The following PAIP2B variants were observed in gnomAD, a reference collection of about 807,000 sequenced individuals.
PAIP2B encodes the protein polyadenylate-binding protein-interacting protein 2B.
Under a neutral mutation model 17.0 loss-of-function variants are expected in PAIP2B, and 13 were observed. The ratio of observed to expected loss-of-function variants is 0.76; its 90% CI spans 0.50 to 1.22. PAIP2B has a LOEUF of 1.22. Ranked by LOEUF, PAIP2B falls within the 50% of genes most tolerant of loss-of-function variation. PAIP2B has a pLI of 0.00. For synonymous variants in PAIP2B, 43 were observed against 48.7 expected, an observed-to-expected ratio of 0.88 and a Z score of 0.48; for missense variants, 117 against 144.5, an observed-to-expected ratio of 0.81 and a Z score of 0.98.
intron 2 of PAIP2B, 147 bp from the exon 3 acceptor site, chr2:71,190,168 C>A: frequency 1.2e-6 from 1 of 849,122 alleles, no homozygotes; most frequent in Admixed American, 3.0e-5. Flanking sequence ...AACTGTAATC[C>A]CAGCAGTTTG....
chr2:71,189,763 G>T, intron 3 of PAIP2B, 82 bp downstream of exon 3: 2 of 1,345,788 alleles, frequency 1.5e-6, no homozygotes, highest in Non-Finnish European at 2.0e-6. Context: ...GTTGAGGGTT[G>T]TAGGGCTGGA....
chr2:71,205,016 C>A (rs1675090715), intron 1 of PAIP2B, among the ~76,000 whole-genome samples: 1 of 150,504 alleles, frequency 6.6e-6, no homozygotes, highest in South Asian at 2.1e-4. Context: ...CCTGAGTGTA[C>A]ATGATTGTAA....
At chr2:71,199,885 T>C (rs1392605281) in intron 2 of PAIP2B, among the ~76,000 whole-genome samples, 2 of 152,126 alleles carry the variant, frequency 1.3e-5, no homozygotes, top group African/African-American at 4.8e-5. Context: ...TGTGTGTGGG[T>C]GTTGGAGGAT....
chr2:71,210,526 T>C (rs957175424), intron 1 of PAIP2B, among the ~76,000 whole-genome samples: 1 of 152,216 alleles, frequency 6.6e-6, no homozygotes, highest in Non-Finnish European at 1.5e-5. Context: ...CTTGCAAATA[T>C]AACGTCAGTG....
chr2:71,191,271 G>C (rs989086246), intron 2 of PAIP2B, among the ~76,000 whole-genome samples: 2 of 152,296 alleles, frequency 1.3e-5, no homozygotes, highest in Non-Finnish European at 2.9e-5. Context: ...CTTAAGAATA[G>C]TATTTGAACA....
chr2:71,224,367 G>A (rs1390842359), intron 1 of PAIP2B, among the ~76,000 whole-genome samples: 1 of 152,176 alleles, frequency 6.6e-6, no homozygotes, highest in Non-Finnish European at 1.5e-5. Flanking sequence ...CTGGGAACAA[G>A]GGTTGAATAT....
Position 71,186,719 on chromosome 2 carries a change from G to T in PAIP2B, c.*1760C>A, listed in dbSNP as rs2103740115. ...AGTCCTCTCTGAAAAAGAGTTAACAGTTTCATTCTCTCAACATAGAGGCTT... is the reference window on the plus strand; with the variant it reads ...AGTCCTCTCTGAAAAAGAGTTAACATTTTCATTCTCTCAACATAGAGGCTT... On this transcript the variant is annotated 3_prime_UTR_variant, in exon 4 of 4. Coordinates refer to ENST00000244221, the MANE Select transcript of PAIP2B (RefSeq NM_020459.1). 6.6e-6 allele frequency: 1 copy of T among 152,302 alleles called. No individual in the cohort carries two copies. Among genetic ancestry groups the T allele is most frequent in the African/African-American group, 2.4e-5 (1 of 41,582 alleles). 9.4% of individuals were successfully genotyped at this position (152,302 alleles called of 1,614,324 possible).
At chr2:71,218,969 G>A (rs1156846045) in intron 1 of PAIP2B, among the ~76,000 whole-genome samples, 1 of 147,262 alleles carries the variant, frequency 6.8e-6, no homozygotes, top group Non-Finnish European at 1.5e-5. Context: ...AGGCTGGAGT[G>A]CAATGGCGCG....
At chr2:71,212,900 T>C (rs1675336260) in intron 1 of PAIP2B, among the ~76,000 whole-genome samples, 1 of 151,146 alleles carries the variant, frequency 6.6e-6, no homozygotes, top group Non-Finnish European at 1.5e-5. Flanking sequence ...ACTACAGGTG[T>C]ACACCACCAG....
chr2:71,191,340 A>G (rs1339204662), intron 2 of PAIP2B, among the ~76,000 whole-genome samples: 1 of 149,222 alleles, frequency 6.7e-6, no homozygotes, highest in Non-Finnish European at 1.5e-5. Flanking sequence ...AAATATTCTC[A>G]TGCCACAAGA....
Position 71,188,269 on chromosome 2 carries a change from CAA to C in PAIP2B, c.*208_*209del. ...AAAACAAAACAGGAAACTCCCCAAACAAAAGTCAGCAGAACAAAATAGAAATA... is the reference window on the plus strand; with the variant it reads ...AAAACAAAACAGGAAACTCCCCAAACAAGTCAGCAGAACAAAATAGAAATA... On this transcript the variant is annotated 3_prime_UTR_variant, in exon 4 of 4. Coordinates refer to ENST00000244221, the MANE Select transcript of PAIP2B (RefSeq NM_020459.1). The C allele has an allele frequency of 2.0e-6, 1 of 506,122 alleles. No individual in the cohort carries two copies. The highest frequency in any genetic ancestry group is 3.5e-6 in the Non-Finnish European group (1 of 288,376). The allele number at this position is 506,122 out of a possible 1,614,324, so 31.4% of individuals were successfully genotyped here.
At chr2:71,226,762 A>G (rs1037531357) in intron 1 of PAIP2B, among the ~76,000 whole-genome samples, 166 bp downstream of exon 1, 1 of 152,292 alleles carries the variant, frequency 6.6e-6, no homozygotes, top group Admixed American at 6.5e-5. Flanking sequence ...GATGGCCGCG[A>G]CGTGGGACCC....
In PAIP2B at chr2:71,202,558, G is replaced by A. The variant is rs774685258; in HGVS notation, c.32C>T (p.Pro11Leu). The A allele has an allele frequency of 8.7e-6, 14 of 1,613,456 alleles. No individual in the cohort carries two copies. Among genetic ancestry groups the A allele is most frequent in the East Asian group, 4.5e-5 (2 of 44,858 alleles). The change falls in exon 2 of 4, where the codon CCG (proline) becomes CTG (leucine). Residue 11 changes from proline (P) to leucine (L), a missense_variant. Transcript: ENST00000244221. ...CTGGTCCTCTTTGGATTTTACACTCGGTGATGTATTTGCCATATTGGATCC... is the reference window on the plus strand; with the variant it reads ...CTGGTCCTCTTTGGATTTTACACTCAGTGATGTATTTGCCATATTGGATCC... MNGSNMANTS[P>L]SVKSKEDQGL...
intron 1 of PAIP2B, among the ~76,000 whole-genome samples, chr2:71,225,279 T>C (rs950710213): frequency 4.6e-5 from 7 of 152,198 alleles, no homozygotes; most frequent in African/African-American, 1.2e-4. Context: ...TTCACTATAA[T>C]AGACTTTTTT....
intron 1 of PAIP2B, among the ~76,000 whole-genome samples, chr2:71,208,593 C>A (rs114058959): frequency 6.6e-6 from 1 of 152,118 alleles, no homozygotes; most frequent in Admixed American, 6.5e-5. Context: ...GGTAGCCCCC[C>A]CAAAAATATG....
chr2:71,208,380 G>A (rs1675193631), intron 1 of PAIP2B, among the ~76,000 whole-genome samples: 1 of 151,764 alleles, frequency 6.6e-6, no homozygotes, highest in East Asian at 1.9e-4. Context: ...CTGAGATCGC[G>A]CCATCGCACT....
At chr2:71,218,230 T>C (rs1220999891) in intron 1 of PAIP2B, among the ~76,000 whole-genome samples, 4 of 152,082 alleles carry the variant, frequency 2.6e-5, no homozygotes, top group Non-Finnish European at 5.9e-5. Flanking sequence ...ACAGTTTTGG[T>C]AACCTCAATG....
chr2:71,222,774 G>A (rs1675623017), intron 1 of PAIP2B, among the ~76,000 whole-genome samples: 1 of 152,212 alleles, frequency 6.6e-6, no homozygotes, highest in Admixed American at 6.5e-5. Context: ...AGCAGAACCA[G>A]AATTCAAAGA....
At chr2:71,198,388 C>T (rs1394527502) in intron 2 of PAIP2B, among the ~76,000 whole-genome samples, 1 of 151,310 alleles carries the variant, frequency 6.6e-6, no homozygotes, top group African/African-American at 2.4e-5. Flanking sequence ...TGGGTTCACA[C>T]CATTCTCCTG....
Sources: gnomAD v4.1 joint callset for allele counts (sites outside exome capture counted in the v4.1 genomes callset) on GRCh38, gnomAD v4.1.1 for gene constraint, MANE v1.5 for transcripts, NCBI Gene and HGNC (gene_info 2026-07-23, HGNC 2026-07-21) for gene names.